CDH8: variants seen among roughly 807,000 people sequenced by gnomAD.
CDH8 encodes the protein cadherin-8.
A neutral mutation model predicts 68.1 loss-of-function variants in CDH8; 17 were observed. The observed-to-expected ratio is 0.25, with a 90% CI of 0.17 to 0.37. The LOEUF (loss-of-function observed/expected upper bound fraction) is 0.37, where lower values mean the gene tolerates loss of function less well. Ranked by LOEUF, CDH8 falls within the 10% of genes least tolerant of loss-of-function variation. The probability of loss-of-function intolerance (pLI) is 1.00; values close to 1 mark genes in which losing one functional copy is unlikely to be tolerated. For missense variants in CDH8, 763 were observed against 999.3 expected (o/e 0.76, Z 3.19); for synonymous variants, 372 against 365.1 (o/e 1.02, Z -0.21).
intron 7 of CDH8, among the ~76,000 whole-genome samples, chr16:61,816,109 C>T (rs1962067625): frequency 6.6e-6 from 1 of 152,008 alleles, no homozygotes; most frequent in African/African-American, 2.4e-5. Flanking sequence ...TTTCTCAAAT[C>T]CCCAGGTAGT....
intron 4 of CDH8, among the ~76,000 whole-genome samples, chr16:61,856,160 A>G (rs1963042810): frequency 6.6e-6 from 1 of 152,108 alleles, no homozygotes. Flanking sequence ...ATTTATCTCA[A>G]CAGCGCTGAA....
chr16:61,705,787 T>C (rs1964517862), intron 10 of CDH8, among the ~76,000 whole-genome samples: 1 of 152,354 alleles, frequency 6.6e-6, no homozygotes, highest in South Asian at 2.1e-4. Flanking sequence ...GACTATGTGA[T>C]AATTCCCACA....
At chr16:61,746,556 A>AAC (rs71675273) in intron 8 of CDH8, among the ~76,000 whole-genome samples, 11,994 of 140,094 alleles carry the variant, frequency 0.086, 520 homozygotes, top group Non-Finnish European at 0.1. Context: ...ATTCCCCCCC[A>AAC]ACACACACAC....
chr16:62,007,783 A>T (rs1369518994), intron 2 of CDH8, among the ~76,000 whole-genome samples: 1 of 151,712 alleles, frequency 6.6e-6, no homozygotes, highest in Non-Finnish European at 1.5e-5. Flanking sequence ...CTCTCTGGGG[A>T]CTATCCTACT....
chr16:61,809,391 C>T (rs1260801039), intron 7 of CDH8, among the ~76,000 whole-genome samples: 1 of 151,964 alleles, frequency 6.6e-6, no homozygotes, highest in East Asian at 1.9e-4. Flanking sequence ...ACAATGAGAA[C>T]ACATGGACAC....
intron 8 of CDH8, among the ~76,000 whole-genome samples, chr16:61,782,749 G>A (rs1330089814): frequency 6.6e-6 from 1 of 152,154 alleles, no homozygotes; most frequent in African/African-American, 2.4e-5. Flanking sequence ...TCTGAGAACG[G>A]GCAGACTGCC....
rs1963241244 is a variant in CDH8, at chr16:61,647,966, A to T, written c.*5642T>A. On this transcript the variant is annotated 3_prime_UTR_variant, in exon 12 of 12. Coordinates refer to ENST00000577390, the MANE Select transcript of CDH8 (RefSeq NM_001796.5). ...AAATAATACTTGCATTCAAGATGTG[A>T]ATTAGATGGTGGCAGGTAACTCAAG... 1.5e-6 allele frequency: 1 copy of T among 645,660 alleles called. No individual in the cohort carries two copies. Among genetic ancestry groups the T allele is most frequent in the African/African-American group, 1.8e-5 (1 of 54,716 alleles). 40.0% of individuals were successfully genotyped at this position (645,660 alleles called of 1,614,324 possible).
At chr16:61,932,394 A>C (rs1034582766) in intron 2 of CDH8, among the ~76,000 whole-genome samples, 1 of 152,174 alleles carries the variant, frequency 6.6e-6, no homozygotes, top group Non-Finnish European at 1.5e-5. Context: ...GTGTGTTAAG[A>C]GTGTATATAT....
chr16:61,700,420 A>G (rs956816620), intron 10 of CDH8, among the ~76,000 whole-genome samples: 2 of 151,926 alleles, frequency 1.3e-5, no homozygotes, highest in Non-Finnish European at 2.9e-5. Flanking sequence ...AGCTGGGACT[A>G]CAGACACGTG....
At chr16:61,724,125 T>C (rs1213204699) in intron 9 of CDH8, among the ~76,000 whole-genome samples, 2 of 150,734 alleles carry the variant, frequency 1.3e-5, no homozygotes, top group Non-Finnish European at 3.0e-5. Flanking sequence ...TTTCTCCCTA[T>C]TTAGGTTATG....
chr16:61,832,353 T>TAGAC (rs1962476542), intron 4 of CDH8, among the ~76,000 whole-genome samples: 1 of 150,970 alleles, frequency 6.6e-6, no homozygotes, highest in South Asian at 2.1e-4. Flanking sequence ...GATAGATAGA[T>TAGAC]AGATAGATAG....
At chr16:61,688,430 A>G (rs1306910659) in intron 10 of CDH8, among the ~76,000 whole-genome samples, 1 of 152,010 alleles carries the variant, frequency 6.6e-6, no homozygotes, top group Non-Finnish European at 1.5e-5. Flanking sequence ...CTGCAAAGCA[A>G]TTTGTTTTCA....
chr16:61,659,332 T>C (rs1289828112), intron 10 of CDH8, among the ~76,000 whole-genome samples: 1 of 152,184 alleles, frequency 6.6e-6, no homozygotes, highest in Non-Finnish European at 1.5e-5. Context: ...CTCCCATCCT[T>C]CCTTGTCTCA....
chr16:61,975,274 G>C (rs1057070030), intron 2 of CDH8, among the ~76,000 whole-genome samples: 2 of 152,116 alleles, frequency 1.3e-5, no homozygotes, highest in Admixed American at 1.3e-4. Context: ...AGAGAGAAAT[G>C]TGAGCATCCT....
At chr16:61,744,988 T>C (rs1959978296) in intron 8 of CDH8, among the ~76,000 whole-genome samples, 1 of 151,428 alleles carries the variant, frequency 6.6e-6, no homozygotes, top group South Asian at 2.1e-4. Context: ...TCTTCTTTCT[T>C]TTCTATATTA....
rs1963272121 is a variant in CDH8, at chr16:61,649,403, T to C, written c.*4205A>G. ...AATTATCCCCAGTAACTGAATTGTG[T>C]ATATATGTGCATATTTATATATATG... On this transcript the variant is annotated 3_prime_UTR_variant, in exon 12 of 12. Coordinates refer to ENST00000577390, the MANE Select transcript of CDH8 (RefSeq NM_001796.5). 1 of 151,342 alleles carries C rather than the reference T, an allele frequency of 6.6e-6. No individual in the cohort carries two copies. The highest frequency in any genetic ancestry group is 6.6e-5 in the Admixed American group (1 of 15,138). 9.4% of individuals were successfully genotyped at this position (151,342 alleles called of 1,614,324 possible).
intron 2 of CDH8, among the ~76,000 whole-genome samples, chr16:62,019,565 T>C (rs1306961032): frequency 6.6e-6 from 1 of 152,208 alleles, no homozygotes; most frequent in Non-Finnish European, 1.5e-5. Flanking sequence ...CAGCAGGGTC[T>C]GGGGCAGCAC....
At chr16:61,677,935 T>G (rs1963945186) in intron 10 of CDH8, among the ~76,000 whole-genome samples, 2 of 152,036 alleles carry the variant, frequency 1.3e-5, no homozygotes, top group South Asian at 4.1e-4. Flanking sequence ...ACACAGACCT[T>G]AAGTCTGATA....
intron 2 of CDH8, among the ~76,000 whole-genome samples, chr16:61,983,981 C>T (rs1296429458): frequency 6.6e-6 from 1 of 151,760 alleles, no homozygotes; most frequent in Non-Finnish European, 1.5e-5. Flanking sequence ...GCAGTGGCAC[C>T]ATCTCAGCTC....
Sources: allele counts gnomAD v4.1 joint callset (sites outside exome capture counted in the v4.1 genomes callset), GRCh38; gene constraint gnomAD v4.1.1; transcripts MANE v1.5; gene names NCBI Gene and HGNC (gene_info 2026-07-23, HGNC 2026-07-21).